IMMP2L: variants seen among roughly 807,000 people sequenced by gnomAD.
IMMP2L encodes mitochondrial inner membrane protease subunit 2.
IMMP2L carries 18 observed loss-of-function variants against 19.3 expected under a neutral mutation model. That is an observed-to-expected ratio of 0.93 (90% CI 0.64 to 1.38). The LOEUF is 1.38. Among genes scored for constraint, IMMP2L ranks in the 40% most tolerant of loss-of-function variants. The pLI, the probability that IMMP2L is intolerant of heterozygous loss-of-function variation, is 0.00. For synonymous variants in IMMP2L, 76 were observed against 73.0 expected, an observed-to-expected ratio of 1.04 and a Z score of -0.21; for missense variants, 233 against 218.2, an observed-to-expected ratio of 1.07 and a Z score of -0.43.
At chr7:111,204,124 ATTCCTC>A (rs2129616577) in intron 3 of IMMP2L, among the ~76,000 whole-genome samples, 1 of 152,266 alleles carries the variant, frequency 6.6e-6, no homozygotes, top group East Asian at 1.9e-4. Context: ...AAATAATATC[ATTCCTC>A]TAGTGGATGT....
chr7:110,716,084 T>C (rs1795217233), intron 5 of IMMP2L, among the ~76,000 whole-genome samples: 1 of 151,866 alleles, frequency 6.6e-6, no homozygotes. Flanking sequence ...TAGTGACCCC[T>C]GCTTTTTTTT....
intron 3 of IMMP2L, among the ~76,000 whole-genome samples, chr7:111,229,710 T>C (rs40362): frequency 0.44 from 66,700 of 151,854 alleles, 15,388 homozygotes; most frequent in Non-Finnish European, 0.52. Flanking sequence ...GGAATTATCG[T>C]ATATATTAAA....
chr7:110,896,325 G>T (rs1811319483), intron 4 of IMMP2L, among the ~76,000 whole-genome samples: 2 of 152,038 alleles, frequency 1.3e-5, no homozygotes, highest in African/African-American at 4.8e-5. Flanking sequence ...AATGTTAAAG[G>T]TGTAGATACC....
intron 3 of IMMP2L, among the ~76,000 whole-genome samples, chr7:111,373,741 T>C (rs1830441903): frequency 6.6e-6 from 1 of 151,974 alleles, no homozygotes; most frequent in African/African-American, 2.4e-5. Context: ...ATACTCTACA[T>C]ATTTTATACC....
chr7:111,243,790 GT>G (rs528556226), intron 3 of IMMP2L, among the ~76,000 whole-genome samples: 2,688 of 39,410 alleles, frequency 0.068, 161 homozygotes, highest in African/African-American at 0.12. Flanking sequence ...TCTTGCGATA[GT>G]TTACTGAGAA....
chr7:111,315,565 A>G (rs950288554), intron 3 of IMMP2L, among the ~76,000 whole-genome samples: 1 of 152,094 alleles, frequency 6.6e-6, no homozygotes, highest in African/African-American at 2.4e-5. Context: ...ACACAATGCA[A>G]TTTGCTCTTC....
At chr7:111,506,816 A>AT (rs1199081272) in intron 2 of IMMP2L, among the ~76,000 whole-genome samples, 4 of 152,094 alleles carry the variant, frequency 2.6e-5, no homozygotes, top group Non-Finnish European at 5.9e-5. Flanking sequence ...GTACCACCTT[A>AT]TATCTTTCTG....
intron 4 of IMMP2L, among the ~76,000 whole-genome samples, 196 bp downstream of exon 4, chr7:110,963,304 A>G (rs1483847913): frequency 6.6e-6 from 1 of 152,028 alleles, no homozygotes; most frequent in Non-Finnish European, 1.5e-5. Context: ...TTAAAGAATA[A>G]CAATATGATC....
At chr7:110,714,000 G>A (rs911131924) in intron 5 of IMMP2L, among the ~76,000 whole-genome samples, 2 of 152,130 alleles carry the variant, frequency 1.3e-5, no homozygotes, top group African/African-American at 4.8e-5. Context: ...TCCTTGTCTT[G>A]TTCCATTTCT....
At chr7:110,789,059 G>A (rs528342046) in intron 5 of IMMP2L, among the ~76,000 whole-genome samples, 6 of 151,732 alleles carry the variant, frequency 4.0e-5, no homozygotes, top group Non-Finnish European at 8.8e-5. Context: ...CTGTGTGTAG[G>A]TGTTCCAGCT....
At chr7:111,147,696 T>C (rs1403830804) in intron 3 of IMMP2L, among the ~76,000 whole-genome samples, 3 of 152,098 alleles carry the variant, frequency 2.0e-5, no homozygotes, top group African/African-American at 7.2e-5. Flanking sequence ...ACAGACTGTT[T>C]TAATTTTAGT....
intron 3 of IMMP2L, among the ~76,000 whole-genome samples, chr7:111,224,216 T>C (rs1313373538): frequency 2.0e-5 from 3 of 152,062 alleles, no homozygotes; most frequent in East Asian, 1.9e-4. Context: ...TGAACTGAAA[T>C]GCATTTCAGA....
intron 3 of IMMP2L, among the ~76,000 whole-genome samples, chr7:111,467,051 T>C (rs532392850): frequency 6.6e-6 from 1 of 152,126 alleles, no homozygotes; most frequent in East Asian, 1.9e-4. Context: ...AGCAGGAAAG[T>C]TCATAAGTAA....
intron 3 of IMMP2L, among the ~76,000 whole-genome samples, chr7:111,166,161 T>C (rs569600143): frequency 6.6e-6 from 1 of 152,112 alleles, no homozygotes; most frequent in South Asian, 2.1e-4. Context: ...TTTCATAGAT[T>C]AAGAAATTGA....
At chr7:111,237,191 C>G (rs1018870122) in intron 3 of IMMP2L, among the ~76,000 whole-genome samples, 1 of 152,072 alleles carries the variant, frequency 6.6e-6, no homozygotes, top group Non-Finnish European at 1.5e-5. Context: ...AAAATAAATA[C>G]TAAATTCATA....
chr7:111,137,162 G>A (rs1475936513), intron 3 of IMMP2L, among the ~76,000 whole-genome samples: 3 of 152,114 alleles, frequency 2.0e-5, no homozygotes, highest in African/African-American at 7.2e-5. Context: ...TGGCAATAAG[G>A]TTTGGTGGAA....
At chr7:111,422,702 C>T (rs998202834) in intron 3 of IMMP2L, among the ~76,000 whole-genome samples, 3 of 151,756 alleles carry the variant, frequency 2.0e-5, no homozygotes, top group Non-Finnish European at 4.4e-5. Flanking sequence ...AACTGAATAC[C>T]CTTTATTTCT....
At chr7:111,144,560 C>G (rs188715080) in intron 3 of IMMP2L, among the ~76,000 whole-genome samples, 2 of 152,178 alleles carry the variant, frequency 1.3e-5, no homozygotes, top group Admixed American at 6.6e-5. Flanking sequence ...GTTTTCACTT[C>G]TTTTTCCCCT....
At chr7:110,908,064 T>C (rs1292814005) in intron 4 of IMMP2L, among the ~76,000 whole-genome samples, 3 of 152,198 alleles carry the variant, frequency 2.0e-5, no homozygotes, top group South Asian at 2.1e-4. Context: ...TCAAATATTA[T>C]GTAGTTTTTG....
Sources: allele counts gnomAD v4.1 joint callset (sites outside exome capture counted in the v4.1 genomes callset), GRCh38; gene constraint gnomAD v4.1.1; transcripts MANE v1.5; gene names NCBI Gene and HGNC (gene_info 2026-07-23, HGNC 2026-07-21).